The following PTPRT variants were observed in gnomAD, a reference collection of about 807,000 sequenced individuals.
PTPRT encodes protein tyrosine phosphatase receptor type T, also known as receptor-type tyrosine-protein phosphatase T.
PTPRT carries 56 observed loss-of-function variants against 176.8 expected under a neutral mutation model. That is an observed-to-expected ratio of 0.32 (90% confidence interval 0.26 to 0.40). PTPRT has a LOEUF of 0.40. Among genes scored for constraint, PTPRT ranks in the 10% least tolerant of loss-of-function variants. PTPRT has a pLI of 1.00. For missense variants in PTPRT, 1,540 were observed against 1,908.2 expected (o/e 0.81, Z 3.60); for synonymous variants, 783 against 739.0 (o/e 1.06, Z -0.96).
rs62203506 is a variant in PTPRT at position 42,453,529 on chromosome 20, G to A, written c.1451-5200C>T. Reference sequence around the variant, plus strand: ...CACATGTGCCCACTATCTGCTCTAAGAAATAAAACATTACTATACTATTGA... The same window carrying A: ...CACATGTGCCCACTATCTGCTCTAAAAAATAAAACATTACTATACTATTGA... On this transcript the variant is annotated intron_variant, in intron 8 of 30. Transcript: ENST00000373187. Among the ~76,000 whole-genome samples the A allele has an allele frequency of 8.7e-3, 1,329 of 151,982 alleles. 11 individuals carry two copies. Among genetic ancestry groups the A allele is most frequent in the Middle Eastern group, 0.014 (4 of 294 alleles).
At chr20:43,085,604 AT>A (rs2011582299) in intron 1 of PTPRT, among the ~76,000 whole-genome samples, 1 of 152,178 alleles carries the variant, frequency 6.6e-6, no homozygotes, top group African/African-American at 2.4e-5. Flanking sequence ...GAGCAGTCAC[AT>A]CTTACATGCC....
chr20:43,139,517 G>A (rs4352282), intron 1 of PTPRT, among the ~76,000 whole-genome samples: 144,078 of 152,262 alleles, frequency 0.95, 68,700 homozygotes, highest in East Asian at 1. Flanking sequence ...GCCACCCGCA[G>A]TGGCAGTCCA....
chr20:42,050,636 G>T, the PTPRT span, among the ~76,000 whole-genome samples: 172 of 152,310 alleles, frequency 1.1e-3, 4 homozygotes, highest in East Asian at 0.031. Context: ...CCTTGTGAAG[G>T]AATATGTCTA....
In PTPRT at chr20:42,448,335, G is replaced by A. The variant is rs1194864112; in HGVS notation, c.1451-6C>T. Reference sequence around the variant, plus strand: ...TAGAGGAACAGCTCCTGGAACTACAGAATGGAAAAGTTATGAACTTGATGT... The same window carrying A: ...TAGAGGAACAGCTCCTGGAACTACAAAATGGAAAAGTTATGAACTTGATGT... On this transcript the variant is annotated splice_polypyrimidine_tract_variant and splice_region_variant and intron_variant, in intron 8 of 30. Coordinates refer to ENST00000373187, the MANE Select transcript of PTPRT (RefSeq NM_007050.6). The A allele has an allele frequency of 8.8e-6, 14 of 1,597,322 alleles. No individual in the cohort carries two copies. In the East Asian group the frequency reaches 3.1e-4, roughly 36 times the overall value.
intron 2 of PTPRT, among the ~76,000 whole-genome samples, chr20:42,869,008 T>A (rs2078798619): frequency 6.6e-6 from 1 of 152,176 alleles, no homozygotes; most frequent in Non-Finnish European, 1.5e-5. Flanking sequence ...GGCATCCACA[T>A]GGTGTTGACC....
At chr20:42,513,763 C>A (rs1338206702) in intron 7 of PTPRT, among the ~76,000 whole-genome samples, 1 of 152,104 alleles carries the variant, frequency 6.6e-6, no homozygotes, top group Admixed American at 6.6e-5. Flanking sequence ...CATTTCTTTA[C>A]CCCAAGAAAC....
intron 1 of PTPRT, among the ~76,000 whole-genome samples, chr20:43,125,951 G>T (rs1367387545): frequency 6.6e-6 from 1 of 152,236 alleles, no homozygotes; most frequent in African/African-American, 2.4e-5. Flanking sequence ...TCTGGATAAG[G>T]TAATTGATTT....
intron 1 of PTPRT, among the ~76,000 whole-genome samples, chr20:43,072,226 C>G (rs1256339594): frequency 6.6e-6 from 1 of 152,142 alleles, no homozygotes; most frequent in East Asian, 1.9e-4. Context: ...AATATAATGG[C>G]CTTATAGACA....
intron 7 of PTPRT, among the ~76,000 whole-genome samples, chr20:42,624,650 G>A (rs1229522663): frequency 6.6e-6 from 1 of 152,192 alleles, no homozygotes; most frequent in Non-Finnish European, 1.5e-5. Context: ...AGAGAGTAAA[G>A]GAGAAACGCC....
chr20:42,116,165 G>A, intron 21 of PTPRT: 2 of 711,374 alleles, frequency 2.8e-6, no homozygotes, highest in Non-Finnish European at 5.2e-6. Context: ...GGTCAAATGA[G>A]TTTGGGAAAT....
intron 1 of PTPRT, among the ~76,000 whole-genome samples, chr20:43,151,380 G>A: frequency 6.9e-6 from 1 of 144,720 alleles, no homozygotes; most frequent in Non-Finnish European, 1.5e-5. Flanking sequence ...CTAATAAAGA[G>A]AGTTAATAAA....
chr20:42,725,690 G>C (rs1460212645), intron 6 of PTPRT, among the ~76,000 whole-genome samples: 1 of 152,032 alleles, frequency 6.6e-6, no homozygotes, highest in Non-Finnish European at 1.5e-5. Context: ...AGGTTGCGCA[G>C]AAATAGAAAC....
chr20:42,188,510 T>C (rs1187184699), intron 16 of PTPRT, among the ~76,000 whole-genome samples: 2 of 152,042 alleles, frequency 1.3e-5, no homozygotes, highest in Non-Finnish European at 2.9e-5. Context: ...GTTGAGAATA[T>C]TAAATGAAAT....
At chr20:42,233,044 T>C (rs2056168732) in intron 15 of PTPRT, among the ~76,000 whole-genome samples, 1 of 152,008 alleles carries the variant, frequency 6.6e-6, no homozygotes, top group Admixed American at 6.5e-5. Context: ...TTCTCCTACC[T>C]GTCTGTCTGC....
chr20:42,457,463 G>T (rs2145879442), intron 8 of PTPRT, among the ~76,000 whole-genome samples: 1 of 152,168 alleles, frequency 6.6e-6, no homozygotes, highest in Admixed American at 6.5e-5. Context: ...TATCAGATTT[G>T]TTCTTTACAA....
At chr20:42,180,753 G>A (rs1990482529) in intron 16 of PTPRT, among the ~76,000 whole-genome samples, 1 of 152,170 alleles carries the variant, frequency 6.6e-6, no homozygotes. Context: ...GAGTAAACAA[G>A]AGCCTATATC....
rs1485431525 is a variant in PTPRT at position 42,413,589 on chromosome 20, GA to G, written c.1560+34630del. The stretch of plus-strand genomic sequence containing the variant: ...AAAATACCATATCTTATGATAAAAT[GA>G]GATTTATTTCAGCTGTGCAAGATGG... On this transcript the variant is annotated intron_variant, in intron 9 of 30. Transcript: ENST00000373187. 4.6e-5 allele frequency among the ~76,000 whole-genome samples: 7 copies of G among 152,238 alleles called. No homozygotes were observed. In the South Asian group the frequency reaches 1.5e-3, roughly 32 times the overall value.
At chr20:42,116,213 GACT>G in intron 21 of PTPRT, 1 of 647,258 alleles carries the variant, frequency 1.5e-6, no homozygotes, top group South Asian at 1.8e-5. Context: ...TTTGCTACAG[GACT>G]ATTCAGCTTC....
At chr20:42,191,353 T>C (rs1328670780) in intron 16 of PTPRT, among the ~76,000 whole-genome samples, 1 of 152,110 alleles carries the variant, frequency 6.6e-6, no homozygotes, top group Non-Finnish European at 1.5e-5. Context: ...GTGATGAATA[T>C]TTAGAGGTTA....
Sources: allele counts gnomAD v4.1 joint callset (sites outside exome capture counted in the v4.1 genomes callset), GRCh38; gene constraint gnomAD v4.1.1; transcripts MANE v1.5; gene names NCBI Gene and HGNC (gene_info 2026-07-23, HGNC 2026-07-21).